Variants in HSPA4 observed in about 807,000 individuals in gnomAD.
The protein encoded by HSPA4 is heat shock protein family A (Hsp70) member 4.
HSPA4 carries 25 observed loss-of-function variants against 106.2 expected under a neutral mutation model. The ratio of observed to expected loss-of-function variants is 0.24; its 90% CI spans 0.17 to 0.33. The LOEUF (loss-of-function observed/expected upper bound fraction) is 0.33, where lower values mean the gene tolerates loss of function less well. Among genes scored for constraint, HSPA4 ranks in the 10% least tolerant of loss-of-function variants. The pLI is 1.00. For synonymous variants in HSPA4, 332 were observed against 333.6 expected, an observed-to-expected ratio of 1.00 and a Z score of 0.05; for missense variants, 841 against 996.0, an observed-to-expected ratio of 0.84 and a Z score of 2.10.
intron 3 of HSPA4, among the ~76,000 whole-genome samples, chr5:133,068,279 A>T (rs1188311839): frequency 6.6e-6 from 1 of 152,140 alleles, no homozygotes; most frequent in African/African-American, 2.4e-5. Flanking sequence ...TTTTGGGGAA[A>T]AGTGAGTTTG....
chr5:133,055,307 A>ATTTTTTTTT (rs397999293), intron 1 of HSPA4, among the ~76,000 whole-genome samples: 5 of 60,106 alleles, frequency 8.3e-5, no homozygotes, highest in Admixed American at 2.3e-4. Context: ...AGGAAGGTTG[A>ATTTTTTTTT]TTTTTTTTTT....
Position 133,096,217 on chromosome 5 carries a change from C to T in HSPA4, c.1770C>T (p.Asp590=), listed in dbSNP as rs1188746097. ...PIENQLLWQI[D]REMLNLYIEN... is the part of the protein sequence containing the mutation. ...AGAATCAGCTATTATGGCAGATAGA[C>T]AGAGAGATGCTCAACTTGTACATTG... The change falls in exon 14 of 19, where the codon GAC becomes GAT. Residue 590 remains aspartate, a synonymous_variant. Coordinates refer to ENST00000304858, the MANE Select transcript of HSPA4 (RefSeq NM_002154.4). 1 of 1,613,622 alleles carries T rather than the reference C, an allele frequency of 6.2e-7. No homozygotes were observed. Among genetic ancestry groups the T allele is most frequent in the Non-Finnish European group, 8.5e-7 (1 of 1,179,800 alleles).
At chr5:133,090,791 C>A (rs1370910803) in intron 11 of HSPA4, among the ~76,000 whole-genome samples, 2 of 152,044 alleles carry the variant, frequency 1.3e-5, no homozygotes, top group African/African-American at 4.8e-5. Flanking sequence ...TGTACAGTCA[C>A]TGGACCTAGA....
intron 2 of HSPA4, 44 bp downstream of exon 2, chr5:133,065,081 C>T (rs1765291275): frequency 6.5e-7 from 1 of 1,526,754 alleles, no homozygotes; most frequent in Non-Finnish European, 9.1e-7. Flanking sequence ...TTCTCCTCTT[C>T]ATCCATGTGT....
chr5:133,103,043 C>G (rs1407402866), intron 17 of HSPA4, among the ~76,000 whole-genome samples: 2 of 151,222 alleles, frequency 1.3e-5, no homozygotes, highest in Admixed American at 1.3e-4. Context: ...CATCAGGCCC[C>G]TCCTTTTTTT....
intron 1 of HSPA4, among the ~76,000 whole-genome samples, chr5:133,056,251 C>G (rs1039786017): frequency 6.6e-6 from 1 of 152,126 alleles, no homozygotes; most frequent in African/African-American, 2.4e-5. Context: ...CATTGAAGAG[C>G]AGCCACGACT....
At chr5:133,076,575 A>G (rs1247277893) in intron 6 of HSPA4, 79 bp from the exon 7 acceptor site, 17 of 1,289,774 alleles carry the variant, frequency 1.3e-5, no homozygotes, top group Middle Eastern at 2.1e-4. Flanking sequence ...TTAGATAAAC[A>G]ACTTACCAGG....
chr5:133,100,342 T>C (rs138905114), intron 16 of HSPA4, among the ~76,000 whole-genome samples: 1 of 152,120 alleles, frequency 6.6e-6, no homozygotes, highest in East Asian at 1.9e-4. Flanking sequence ...GTGCTGGAAT[T>C]ATAGGTGTGA....
At chr5:133,054,611 A>G (rs995220115) in intron 1 of HSPA4, among the ~76,000 whole-genome samples, 1 of 152,146 alleles carries the variant, frequency 6.6e-6, no homozygotes, top group African/African-American at 2.4e-5. Context: ...CAATTTTAGA[A>G]CATTTTTATC....
intron 7 of HSPA4, among the ~76,000 whole-genome samples, chr5:133,082,756 C>T (rs1048903322): frequency 6.6e-6 from 1 of 152,110 alleles, no homozygotes; most frequent in African/African-American, 2.4e-5. Flanking sequence ...CCACCTCACC[C>T]GGACGGGAAT....
chr5:133,098,435 C>T lies in HSPA4; in HGVS notation c.1930-1110C>T, dbSNP rs993293514. On this transcript the variant is annotated intron_variant, in intron 15 of 18. Transcript: ENST00000304858. Reference sequence around the variant, plus strand: ...CACGCCATTCTCCTGCCTCAGCCTCCGGAGTAGCCGGGAGTACAGGTGCCT... The same window carrying T: ...CACGCCATTCTCCTGCCTCAGCCTCTGGAGTAGCCGGGAGTACAGGTGCCT... Among the ~76,000 whole-genome samples, 6 of 152,078 alleles carry T rather than the reference C, an allele frequency of 3.9e-5. No homozygotes were observed. The East Asian group carries it at 5.8e-4, about 15-fold the overall frequency.
At chr5:133,073,630 T>C (rs974946826) in intron 5 of HSPA4, among the ~76,000 whole-genome samples, 3 of 152,206 alleles carry the variant, frequency 2.0e-5, no homozygotes, top group African/African-American at 7.2e-5. Context: ...ACTTGTGGAC[T>C]GGTAGAGTCA....
intron 1 of HSPA4, 145 bp from the exon 2 acceptor site, chr5:133,064,835 A>T (rs1765288319): frequency 1.4e-6 from 1 of 722,738 alleles, no homozygotes; most frequent in Non-Finnish European, 2.4e-6. Flanking sequence ...CCATGGACAG[A>T]TTTACTCAAT....
intron 7 of HSPA4, among the ~76,000 whole-genome samples, chr5:133,085,489 T>TAA (rs747012950): frequency 3.6e-5 from 4 of 110,284 alleles, no homozygotes; most frequent in South Asian, 2.7e-4. Flanking sequence ...CCATCTCTAC[T>TAA]AAAAAAAAAA....
intron 3 of HSPA4, 30 bp from the exon 4 acceptor site, chr5:133,070,344 A>G: frequency 6.3e-7 from 1 of 1,583,472 alleles, no homozygotes; most frequent in Non-Finnish European, 8.5e-7. Context: ...AAATATAATA[A>G]GTCTAGGCCC....
At chr5:133,078,696 A>G (rs370117351) in intron 7 of HSPA4, among the ~76,000 whole-genome samples, 1 of 148,504 alleles carries the variant, frequency 6.7e-6, no homozygotes, top group Non-Finnish European at 1.5e-5. Flanking sequence ...CGTAGCTCTT[A>G]TATGTTCTAT....
Position 133,067,397 on chromosome 5 carries a change from TTTGA to T in HSPA4, c.166-18_166-15del. 6.3e-7 allele frequency: 1 copy of T among 1,595,398 alleles called. No individual in the cohort carries two copies. The highest frequency in any genetic ancestry group is 1.8e-5 in the Admixed American group (1 of 57,000). On this transcript the variant is annotated splice_polypyrimidine_tract_variant and intron_variant, in intron 2 of 18. Transcript: ENST00000304858. ...AAAATTAGTAGTAGTCTTTCCACTC[TTTGA>T]TATTCTTTCTCTTAGGTAATTTCTA...
chr5:133,098,017 C>T lies in HSPA4; in HGVS notation c.1929+731C>T, dbSNP rs139465765. On this transcript the variant is annotated intron_variant, in intron 15 of 18. Coordinates refer to ENST00000304858, the MANE Select transcript of HSPA4 (RefSeq NM_002154.4). ...CTGAGATTTTGGTGCACCTGTCATC[C>T]ACGTCCTGTACATCATACCTAAGAT... Among the ~76,000 whole-genome samples the T allele has an allele frequency of 5.5e-4, 83 of 151,704 alleles. 1 individual carries two copies. Among genetic ancestry groups the T allele is most frequent in the Middle Eastern group, 3.4e-3 (1 of 294 alleles).
intron 16 of HSPA4, among the ~76,000 whole-genome samples, chr5:133,101,005 G>A (rs1372717990): frequency 1.3e-5 from 2 of 152,120 alleles, no homozygotes; most frequent in East Asian, 3.9e-4. Context: ...GGGTCTCCCT[G>A]TGTTGCCCAG....
Sources: gnomAD v4.1 joint callset for allele counts (sites outside exome capture counted in the v4.1 genomes callset) on GRCh38, gnomAD v4.1.1 for gene constraint, MANE v1.5 for transcripts, NCBI Gene and HGNC (gene_info 2026-07-23, HGNC 2026-07-21) for gene names.